LRRC4C: variants seen among roughly 807,000 people sequenced by gnomAD.
LRRC4C encodes leucine rich repeat containing 4C, also known as leucine-rich repeat-containing protein 4C.
A neutral mutation model predicts 33.6 loss-of-function variants in LRRC4C; 5 were observed. That is an observed-to-expected ratio of 0.15 (90% CI 0.08 to 0.31). LRRC4C has a LOEUF of 0.31. Among genes scored for constraint, LRRC4C ranks in the 10% least tolerant of loss-of-function variants. LRRC4C has a pLI of 1.00. For synonymous variants in LRRC4C, 329 were observed against 302.0 expected (o/e 1.09, Z -0.93); for missense variants, 560 against 796.7 (o/e 0.70, Z 3.58).
At chr11:40,350,139 T>C (rs1350236821) in intron 3 of LRRC4C, among the ~76,000 whole-genome samples, 1 of 152,148 alleles carries the variant, frequency 6.6e-6, no homozygotes, top group Non-Finnish European at 1.5e-5. Flanking sequence ...CTTATGCTTT[T>C]AGGATATTAC....
At chr11:40,565,122 A>G (rs1214285428) in intron 3 of LRRC4C, among the ~76,000 whole-genome samples, 1 of 152,178 alleles carries the variant, frequency 6.6e-6, no homozygotes, top group Non-Finnish European at 1.5e-5. Flanking sequence ...ATTAAACTGC[A>G]GTGACAGGAA....
At chr11:40,547,925 T>C (rs1235656237) in intron 3 of LRRC4C, among the ~76,000 whole-genome samples, 1 of 152,134 alleles carries the variant, frequency 6.6e-6, no homozygotes, top group Non-Finnish European at 1.5e-5. Context: ...GTTCTAGTGA[T>C]TGGAGCGAGC....
At chr11:41,107,755 T>C (rs1941591166) in intron 1 of LRRC4C, among the ~76,000 whole-genome samples, 1 of 152,098 alleles carries the variant, frequency 6.6e-6, no homozygotes, top group African/African-American at 2.4e-5. Context: ...CTGGCCAACA[T>C]GGCGAAGCCC....
intron 3 of LRRC4C, among the ~76,000 whole-genome samples, chr11:40,358,042 G>A (rs1334650507): frequency 6.6e-6 from 1 of 151,994 alleles, no homozygotes; most frequent in East Asian, 1.9e-4. Context: ...AATTAGCCAG[G>A]CATAGTGGCA....
rs1456656330 is a variant in LRRC4C, at chr11:40,927,031, A to G, written c.-407+6604T>C. Reference sequence around the variant, plus strand: ...TAATCAATAAAATAAGCAAATTTGGATAAAGGTAAAATCTAGCTTATGTCT... The same window carrying G: ...TAATCAATAAAATAAGCAAATTTGGGTAAAGGTAAAATCTAGCTTATGTCT... On this transcript the variant is annotated intron_variant, in intron 2 of 6. Transcript: ENST00000528697. Among the ~76,000 whole-genome samples, 2 of 152,196 alleles carry G rather than the reference A, an allele frequency of 1.3e-5. 1 individual carries two copies. Among genetic ancestry groups the G allele is most frequent in the East Asian group, 3.9e-4 (2 of 5,190 alleles).
chr11:40,982,507 G>T (rs533036394), intron 1 of LRRC4C, among the ~76,000 whole-genome samples: 142 of 152,266 alleles, frequency 9.3e-4, no homozygotes, highest in Non-Finnish European at 1.7e-3. Flanking sequence ...TAATATGCAT[G>T]CCAATCAGCC....
intron 2 of LRRC4C, among the ~76,000 whole-genome samples, chr11:40,926,319 G>A (rs904138413): frequency 4.6e-5 from 7 of 152,210 alleles, no homozygotes; most frequent in African/African-American, 1.7e-4. Flanking sequence ...TAGACATGAT[G>A]CAGCTAAGGA....
At chr11:40,974,089 A>T (rs1209738006) in intron 1 of LRRC4C, among the ~76,000 whole-genome samples, 1 of 152,212 alleles carries the variant, frequency 6.6e-6, no homozygotes, top group Non-Finnish European at 1.5e-5. Flanking sequence ...TTTTAAACTT[A>T]TGAACATTAT....
chr11:40,813,175 C>A (rs1044794582), intron 2 of LRRC4C, among the ~76,000 whole-genome samples: 1 of 152,150 alleles, frequency 6.6e-6, no homozygotes, highest in African/African-American at 2.4e-5. Context: ...AGAATTCCTT[C>A]TTTCTTATAT....
At chr11:40,902,587 C>T (rs956973712) in intron 2 of LRRC4C, among the ~76,000 whole-genome samples, 1 of 152,010 alleles carries the variant, frequency 6.6e-6, no homozygotes, top group Non-Finnish European at 1.5e-5. Context: ...ACCTCTTGTG[C>T]CAAATATTTA....
chr11:41,089,678 A>G (rs1160225287), intron 1 of LRRC4C, among the ~76,000 whole-genome samples: 1 of 152,048 alleles, frequency 6.6e-6, no homozygotes, highest in Non-Finnish European at 1.5e-5. Flanking sequence ...AGAGTTGAAT[A>G]TCTCCCAGAT....
intron 1 of LRRC4C, among the ~76,000 whole-genome samples, chr11:41,270,252 A>C (rs1415376994): frequency 6.6e-6 from 1 of 152,146 alleles, no homozygotes; most frequent in Non-Finnish European, 1.5e-5. Context: ...CTCACTCTGC[A>C]CGTATCCCAT....
intron 4 of LRRC4C, among the ~76,000 whole-genome samples, chr11:40,270,238 T>C (rs765638192): frequency 2.4e-4 from 37 of 152,192 alleles, no homozygotes; most frequent in Admixed American, 2.0e-4. Context: ...TCTGAGTGGC[T>C]TAAACAATAG....
chr11:40,240,151 GCTTTTCGCACCCTGTC>G (rs1446649528), intron 5 of LRRC4C, among the ~76,000 whole-genome samples: 1 of 152,014 alleles, frequency 6.6e-6, no homozygotes, highest in Non-Finnish European at 1.5e-5. Flanking sequence ...AAAACTATTT[GCTTTTCGCACCCTGTC>G]CTCTAACATT....
intron 1 of LRRC4C, among the ~76,000 whole-genome samples, chr11:41,172,323 T>C (rs746208320): frequency 6.7e-6 from 1 of 149,282 alleles, no homozygotes; most frequent in Non-Finnish European, 1.5e-5. Context: ...CCATAAAATA[T>C]TGTTCTGCAT....
At chr11:41,076,469 T>C (rs1939156761) in intron 1 of LRRC4C, among the ~76,000 whole-genome samples, 1 of 152,138 alleles carries the variant, frequency 6.6e-6, no homozygotes, top group Non-Finnish European at 1.5e-5. Flanking sequence ...CTTAACATGG[T>C]GGAGCAGGAG....
intron 1 of LRRC4C, among the ~76,000 whole-genome samples, chr11:41,106,448 A>G (rs1283685038): frequency 8.3e-5 from 10 of 119,888 alleles, no homozygotes; most frequent in Non-Finnish European, 1.5e-4. Flanking sequence ...GAATTTATCT[A>G]TGAAAAAAAA....
chr11:40,590,204 C>G (rs1958973817), intron 3 of LRRC4C, among the ~76,000 whole-genome samples: 1 of 151,490 alleles, frequency 6.6e-6, no homozygotes, highest in Non-Finnish European at 1.5e-5. Flanking sequence ...TCTAAACTTC[C>G]CTTCTCGCTT....
chr11:41,202,864 C>A (rs1173097548), intron 1 of LRRC4C, among the ~76,000 whole-genome samples: 1 of 151,816 alleles, frequency 6.6e-6, no homozygotes, highest in African/African-American at 2.4e-5. Context: ...CAGCTCTCTG[C>A]AACCTCCGCC....
Sources: allele counts gnomAD v4.1 joint callset (sites outside exome capture counted in the v4.1 genomes callset), GRCh38; gene constraint gnomAD v4.1.1; transcripts MANE v1.5; gene names NCBI Gene and HGNC (gene_info 2026-07-23, HGNC 2026-07-21).